Variants in LHFPL6 observed in about 807,000 individuals in gnomAD.
The protein encoded by LHFPL6 is LHFPL tetraspan subfamily member 6, also known as LHFPL tetraspan subfamily member 6 protein.
In LHFPL6, 9 loss-of-function variants were observed where a neutral mutation model predicts 20.6. The ratio of observed to expected loss-of-function variants is 0.44; its 90% CI spans 0.26 to 0.76. LHFPL6 has a LOEUF of 0.76. Ranked by LOEUF, LHFPL6 falls within the 30% of genes least tolerant of loss-of-function variation. LHFPL6 has a pLI of 0.20. For missense variants in LHFPL6, 218 were observed against 253.5 expected (o/e 0.86, Z 0.95); for synonymous variants, 105 against 98.7 (o/e 1.06, Z -0.38).
At chr13:39,573,086 G>A (rs116920022) in intron 2 of LHFPL6, among the ~76,000 whole-genome samples, 1,637 of 152,248 alleles carry the variant, frequency 0.011, 24 homozygotes, top group Admixed American at 0.029. Context: ...AGCCAATGCC[G>A]TAACTTCTAT....
At chr13:39,535,442 T>G (rs1311047165) in intron 2 of LHFPL6, among the ~76,000 whole-genome samples, 1 of 152,216 alleles carries the variant, frequency 6.6e-6, no homozygotes, top group Non-Finnish European at 1.5e-5. Context: ...TATTACATTA[T>G]TAAGTACAAC....
intron 2 of LHFPL6, among the ~76,000 whole-genome samples, chr13:39,470,107 A>C (rs1319236327): frequency 2.6e-5 from 4 of 152,196 alleles, no homozygotes; most frequent in East Asian, 1.9e-4. Flanking sequence ...AAAAATATAT[A>C]TATATAAGCC....
intron 2 of LHFPL6, among the ~76,000 whole-genome samples, chr13:39,441,781 G>C (rs182615264): frequency 5.3e-5 from 8 of 151,492 alleles, no homozygotes; most frequent in Admixed American, 1.3e-4. Flanking sequence ...CCAAAGAGCT[G>C]GGATTAAAGC....
At chr13:39,428,452 C>T (rs1053581902) in intron 2 of LHFPL6, among the ~76,000 whole-genome samples, 3 of 152,100 alleles carry the variant, frequency 2.0e-5, no homozygotes, top group African/African-American at 7.2e-5. Flanking sequence ...AAGGAATTTT[C>T]CACATCATCT....
At chr13:39,408,722 C>T (rs1871179212) in intron 2 of LHFPL6, among the ~76,000 whole-genome samples, 3 of 152,230 alleles carry the variant, frequency 2.0e-5, no homozygotes, top group Non-Finnish European at 4.4e-5. Flanking sequence ...CCGATGCCTT[C>T]TGTCACAATG....
At chr13:39,441,437 A>G (rs1465074165) in intron 2 of LHFPL6, among the ~76,000 whole-genome samples, 1 of 152,062 alleles carries the variant, frequency 6.6e-6, no homozygotes, top group East Asian at 1.9e-4. Flanking sequence ...AATGGAGAAA[A>G]AAGTCTACCG....
At chr13:39,571,034 T>A (rs1871896843) in intron 2 of LHFPL6, among the ~76,000 whole-genome samples, 1 of 152,202 alleles carries the variant, frequency 6.6e-6, no homozygotes, top group African/African-American at 2.4e-5. Context: ...AACTAACCAC[T>A]TCATGTAGTT....
intron 2 of LHFPL6, among the ~76,000 whole-genome samples, chr13:39,581,691 G>C (rs1465223239): frequency 6.7e-6 from 1 of 148,252 alleles, no homozygotes; most frequent in African/African-American, 2.5e-5. Flanking sequence ...TTCCTACTTT[G>C]ATTTTTATTG....
chr13:39,438,723 AG>A (rs1179980047), intron 2 of LHFPL6, among the ~76,000 whole-genome samples: 1 of 152,256 alleles, frequency 6.6e-6, no homozygotes, highest in Non-Finnish European at 1.5e-5. Flanking sequence ...TGTGGTTCAA[AG>A]GGGCCCAGGT....
intron 2 of LHFPL6, among the ~76,000 whole-genome samples, chr13:39,491,427 G>GA (rs1370478733): frequency 1.3e-5 from 2 of 152,156 alleles, no homozygotes; most frequent in Non-Finnish European, 2.9e-5. Context: ...AAAGAGAGTG[G>GA]AAAATAGGTT....
chr13:39,420,496 A>AAGG (rs1871453453), intron 2 of LHFPL6, among the ~76,000 whole-genome samples: 1 of 152,222 alleles, frequency 6.6e-6, no homozygotes, highest in Admixed American at 6.5e-5. Flanking sequence ...TAATGTATCA[A>AAGG]AATGACAAGA....
At chr13:39,509,790 T>C (rs951296504) in intron 2 of LHFPL6, among the ~76,000 whole-genome samples, 1 of 151,962 alleles carries the variant, frequency 6.6e-6, no homozygotes, top group African/African-American at 2.4e-5. Flanking sequence ...CAAGACCTCA[T>C]CTGTACAAAA....
rs146966996 is a variant in LHFPL6 at position 39,530,126 on chromosome 13, A to C, written c.385+70706T>G. ...AGTGGGAAAAGGAATACTAAAGAAG[A>C]GAGTAACTAGCTGGGTGCAGTGGTG... is the stretch of plus-strand genomic sequence containing the variant. On this transcript the variant is annotated intron_variant, in intron 2 of 3. Transcript: ENST00000379589. Among the ~76,000 whole-genome samples, 12 of 152,106 alleles carry C rather than the reference A, an allele frequency of 7.9e-5. No individual in the cohort carries two copies. The East Asian group carries it at 2.3e-3, about 29-fold the overall frequency.
Position 39,350,030 on chromosome 13 carries a change from A to T in LHFPL6, c.485-5976T>A, listed in dbSNP as rs150530160. 5.4e-4 allele frequency among the ~76,000 whole-genome samples: 82 copies of T among 152,286 alleles called. No individual in the cohort carries two copies. In the East Asian group the frequency reaches 0.015, roughly 28 times the overall value. On this transcript the variant is annotated intron_variant, in intron 3 of 3. Transcript: ENST00000379589. Reference sequence around the variant, plus strand: ...GTTGGGTAGGAATATGAGGTATTTAACAGTCACAAATAAATCTTAAGCTCC... The same window carrying T: ...GTTGGGTAGGAATATGAGGTATTTATCAGTCACAAATAAATCTTAAGCTCC...
chr13:39,587,630 C>T (rs1192399069), intron 2 of LHFPL6, among the ~76,000 whole-genome samples: 1 of 151,850 alleles, frequency 6.6e-6, no homozygotes, highest in Non-Finnish European at 1.5e-5. Flanking sequence ...CCAGGGAAGC[C>T]GAAACCATCC....
At chr13:39,461,432 G>C (rs1423828965) in intron 2 of LHFPL6, among the ~76,000 whole-genome samples, 1 of 152,172 alleles carries the variant, frequency 6.6e-6, no homozygotes, top group Non-Finnish European at 1.5e-5. Context: ...CACAGTGGCT[G>C]AACTAATCTC....
intron 3 of LHFPL6, among the ~76,000 whole-genome samples, chr13:39,361,725 G>T (rs953435326): frequency 2.8e-4 from 42 of 152,186 alleles, no homozygotes; most frequent in African/African-American, 8.7e-4. Context: ...ACAAGGAAAT[G>T]AGTTCCATTT....
At chr13:39,481,531 T>C (rs534416324) in intron 2 of LHFPL6, among the ~76,000 whole-genome samples, 340 of 152,334 alleles carry the variant, frequency 2.2e-3, no homozygotes, top group African/African-American at 7.7e-3. Context: ...CAGGGATTGC[T>C]TCTTTGAGCA....
intron 2 of LHFPL6, among the ~76,000 whole-genome samples, chr13:39,449,458 A>G (rs1872383767): frequency 6.6e-6 from 1 of 152,248 alleles, no homozygotes; most frequent in Non-Finnish European, 1.5e-5. Context: ...ATTTTCCAAC[A>G]TTGCAATTGT....
Sources: allele counts gnomAD v4.1 joint callset (sites outside exome capture counted in the v4.1 genomes callset), GRCh38; gene constraint gnomAD v4.1.1; transcripts MANE v1.5; gene names NCBI Gene and HGNC (gene_info 2026-07-23, HGNC 2026-07-21).